Variants in BRINP3 observed in about 807,000 individuals in gnomAD.
BRINP3 encodes BMP/retinoic acid-inducible neural-specific protein 3.
Under a neutral mutation model 71.0 loss-of-function variants are expected in BRINP3, and 19 were observed. The observed-to-expected ratio is 0.27, with a 90% confidence interval of 0.19 to 0.39. The LOEUF is 0.39. Ranked by LOEUF, BRINP3 falls within the 10% of genes least tolerant of loss-of-function variation. The pLI, the probability that BRINP3 is intolerant of heterozygous loss-of-function variation, is 1.00. For missense variants in BRINP3, 959 were observed against 940.8 expected (o/e 1.02, Z -0.25); for synonymous variants, 380 against 337.7 (o/e 1.13, Z -1.37).
intron 7 of BRINP3, among the ~76,000 whole-genome samples, chr1:190,111,736 C>T (rs775224692): frequency 1.3e-5 from 2 of 152,026 alleles, no homozygotes; most frequent in Non-Finnish European, 2.9e-5. Context: ...ATTTCAAAGT[C>T]ACAATCATAA....
intron 7 of BRINP3, among the ~76,000 whole-genome samples, chr1:190,151,198 G>C (rs992833405): frequency 1.3e-5 from 2 of 152,058 alleles, no homozygotes; most frequent in Non-Finnish European, 2.9e-5. Flanking sequence ...TTATTTGGCA[G>C]TTTAAAAGGC....
At chr1:190,299,711 G>A (rs1159532279) in intron 2 of BRINP3, among the ~76,000 whole-genome samples, 1 of 151,448 alleles carries the variant, frequency 6.6e-6, no homozygotes, top group African/African-American at 2.4e-5. Context: ...TCCATGTTTA[G>A]CGCTTCCTTC....
intron 6 of BRINP3, among the ~76,000 whole-genome samples, chr1:190,191,875 A>G (rs573915997): frequency 6.6e-5 from 10 of 152,122 alleles, no homozygotes; most frequent in Non-Finnish European, 1.0e-4. Flanking sequence ...CCCAATTTAA[A>G]ATCAATTTTT....
At chr1:190,343,709 G>A (rs779245940) in intron 2 of BRINP3, among the ~76,000 whole-genome samples, 64 of 151,474 alleles carry the variant, frequency 4.2e-4, no homozygotes, top group South Asian at 1.2e-3. Context: ...GGGAGAGTAC[G>A]TCTTCTACCA....
intron 6 of BRINP3, among the ~76,000 whole-genome samples, chr1:190,217,633 T>C (rs1458723875): frequency 6.6e-6 from 1 of 152,024 alleles, no homozygotes; most frequent in African/African-American, 2.4e-5. Flanking sequence ...TCAAGTGAAA[T>C]ATGAATCAGC....
chr1:190,217,016 A>G (rs986598236), intron 6 of BRINP3: 1 of 151,996 alleles, frequency 6.6e-6, no homozygotes, highest in African/African-American at 2.4e-5. Context: ...AAAGTAACCT[A>G]AAACTCCATT....
chr1:190,212,694 T>C (rs1179200298), intron 6 of BRINP3, among the ~76,000 whole-genome samples: 1 of 152,104 alleles, frequency 6.6e-6, no homozygotes, highest in African/African-American at 2.4e-5. Flanking sequence ...TGATCATAAG[T>C]AATGCGAATT....
At chr1:190,103,344 T>TA (rs1651859761) in intron 7 of BRINP3, among the ~76,000 whole-genome samples, 1 of 152,070 alleles carries the variant, frequency 6.6e-6, no homozygotes, top group Non-Finnish European at 1.5e-5. Context: ...TTACACTGGG[T>TA]AAATGCTCAT....
Position 190,106,114 on chromosome 1 carries a change from T to C in BRINP3, c.1185-6980A>G, listed in dbSNP as rs538969120. Among the ~76,000 whole-genome samples, 6 of 152,050 alleles carry C rather than the reference T, an allele frequency of 3.9e-5. No homozygotes were observed. The South Asian group carries it at 1.2e-3, about 32-fold the overall frequency. On this transcript the variant is annotated intron_variant, in intron 7 of 7. Transcript: ENST00000367462. ...ATTGAGGAATATGGATACATGCAAC[T>C]ATTCTGCAAATAGGAGCCATCAGGC...
intron 2 of BRINP3, among the ~76,000 whole-genome samples, chr1:190,338,017 C>G (rs1469448140): frequency 6.6e-6 from 1 of 151,998 alleles, no homozygotes; most frequent in African/African-American, 2.4e-5. Flanking sequence ...ACTTTAAAAA[C>G]TTGAAGTGTA....
chr1:190,476,319 G>A (rs1677502224), intron 1 of BRINP3, among the ~76,000 whole-genome samples: 1 of 151,656 alleles, frequency 6.6e-6, no homozygotes, highest in Admixed American at 6.6e-5. Context: ...CCAAGAAAAG[G>A]AAATGTTGTA....
At chr1:190,215,129 C>A (rs1042068263) in intron 6 of BRINP3, among the ~76,000 whole-genome samples, 7 of 151,040 alleles carry the variant, frequency 4.6e-5, no homozygotes, top group Middle Eastern at 3.5e-3. Context: ...TCTTGCGTCT[C>A]CCCCAAATAC....
chr1:190,378,678 T>A (rs906220386), intron 2 of BRINP3, among the ~76,000 whole-genome samples: 1 of 152,242 alleles, frequency 6.6e-6, no homozygotes, highest in South Asian at 2.1e-4. Flanking sequence ...GAGACAAATA[T>A]CCAGGCATGC....
chr1:190,234,890 A>C (rs985936479), intron 4 of BRINP3, among the ~76,000 whole-genome samples: 1 of 152,092 alleles, frequency 6.6e-6, no homozygotes, highest in Non-Finnish European at 1.5e-5. Flanking sequence ...AACTGATTTT[A>C]TTATTTTCTT....
chr1:190,286,270 C>A (rs902713757), intron 2 of BRINP3, among the ~76,000 whole-genome samples: 2 of 152,004 alleles, frequency 1.3e-5, no homozygotes, highest in African/African-American at 4.8e-5. Flanking sequence ...TAATTTTATC[C>A]CTACTCAGCT....
At chr1:190,213,048 C>T (rs2102656524) in intron 6 of BRINP3, among the ~76,000 whole-genome samples, 1 of 152,046 alleles carries the variant, frequency 6.6e-6, no homozygotes, top group South Asian at 2.1e-4. Context: ...GTCAAGTACC[C>T]TTTAGAAGAG....
chr1:190,197,924 G>T (rs541212028), intron 6 of BRINP3, among the ~76,000 whole-genome samples: 1 of 152,186 alleles, frequency 6.6e-6, no homozygotes, highest in Admixed American at 6.5e-5. Flanking sequence ...CTTAACAGAG[G>T]GTCCCCATAA....
At chr1:190,349,735 T>C (rs1302433449) in intron 2 of BRINP3, among the ~76,000 whole-genome samples, 2 of 152,076 alleles carry the variant, frequency 1.3e-5, no homozygotes, top group African/African-American at 2.4e-5. Context: ...ATGGACATTC[T>C]AAAATATGAA....
At position 190,454,643 on chromosome 1, in the gene BRINP3, T is replaced by G; in HGVS notation, c.236+12A>C. ...ATGATATTTCTGTAATTGCTTTCCC[T>G]TTGCTTCATACCTGTATATCTTGTA... On this transcript the variant is annotated intron_variant, in intron 2 of 7. Coordinates refer to ENST00000367462, the MANE Select transcript of BRINP3 (RefSeq NM_199051.3). 6.2e-7 allele frequency: 1 copy of G among 1,605,680 alleles called. No individual in the cohort carries two copies. Among genetic ancestry groups the G allele is most frequent in the Non-Finnish European group, 8.5e-7 (1 of 1,173,290 alleles).
Sources: gnomAD v4.1 joint callset for allele counts (sites outside exome capture counted in the v4.1 genomes callset) on GRCh38, gnomAD v4.1.1 for gene constraint, MANE v1.5 for transcripts, NCBI Gene and HGNC (gene_info 2026-07-23, HGNC 2026-07-21) for gene names.